The following CNTNAP2 variants were observed in gnomAD, a reference collection of about 807,000 sequenced individuals.
CNTNAP2 encodes contactin associated protein 2.
Under a neutral mutation model 155.2 loss-of-function variants are expected in CNTNAP2, and 98 were observed. The ratio of observed to expected loss-of-function variants is 0.63; its 90% CI spans 0.54 to 0.75. The LOEUF (loss-of-function observed/expected upper bound fraction) is 0.75. Among genes scored for constraint, CNTNAP2 ranks in the 30% least tolerant of loss-of-function variants. The probability of loss-of-function intolerance (pLI) is 0.00; values close to 1 mark genes in which losing one functional copy is unlikely to be tolerated. For synonymous variants in CNTNAP2, 651 were observed against 631.2 expected (o/e 1.03, Z -0.47); for missense variants, 1,727 against 1,688.1 (o/e 1.02, Z -0.40).
chr7:146,883,434 G>A (rs1003217407), intron 3 of CNTNAP2, among the ~76,000 whole-genome samples: 3 of 152,072 alleles, frequency 2.0e-5, no homozygotes, highest in Non-Finnish European at 4.4e-5. Flanking sequence ...AGTTATTGAG[G>A]TTTTAAAGGG....
intron 17 of CNTNAP2, among the ~76,000 whole-genome samples, chr7:148,153,912 T>C (rs986668620): frequency 6.6e-6 from 1 of 152,188 alleles, no homozygotes; most frequent in Non-Finnish European, 1.5e-5. Context: ...AGCCAGAGCA[T>C]GCAACTGCTC....
chr7:147,688,857 C>T (rs1263413783), intron 13 of CNTNAP2, among the ~76,000 whole-genome samples: 3 of 152,150 alleles, frequency 2.0e-5, no homozygotes, highest in South Asian at 2.1e-4. Context: ...GAAACTCACT[C>T]GTGAATTCCC....
At chr7:146,776,329 T>C (rs573291502) in intron 2 of CNTNAP2, among the ~76,000 whole-genome samples, 2 of 152,272 alleles carry the variant, frequency 1.3e-5, no homozygotes, top group East Asian at 1.9e-4. Context: ...AAAATACGAC[T>C]GAAGAAGATG....
At chr7:146,996,941 G>C (rs913669482) in intron 3 of CNTNAP2, among the ~76,000 whole-genome samples, 1 of 152,088 alleles carries the variant, frequency 6.6e-6, no homozygotes. Flanking sequence ...AGTTTTATAA[G>C]GGGAGGCTCC....
chr7:147,667,037 C>T (rs1795707388), intron 13 of CNTNAP2, among the ~76,000 whole-genome samples: 1 of 152,148 alleles, frequency 6.6e-6, no homozygotes, highest in South Asian at 2.1e-4. Context: ...ATGATGATCA[C>T]AGCCAAGCAA....
intron 3 of CNTNAP2, among the ~76,000 whole-genome samples, chr7:146,954,409 A>G (rs1253163845): frequency 1.3e-5 from 2 of 151,926 alleles, no homozygotes; most frequent in Non-Finnish European, 1.5e-5. Context: ...AAGTCTGTGC[A>G]TATGTTTCAG....
chr7:147,666,303 C>T (rs1490661042), intron 13 of CNTNAP2, among the ~76,000 whole-genome samples: 3 of 152,124 alleles, frequency 2.0e-5, no homozygotes, highest in Non-Finnish European at 2.9e-5. Context: ...ACACGTGTGA[C>T]GGTGGTCTCA....
chr7:146,677,271 G>A (rs899748979), intron 1 of CNTNAP2, among the ~76,000 whole-genome samples: 23 of 152,166 alleles, frequency 1.5e-4, no homozygotes, highest in African/African-American at 5.6e-4. Flanking sequence ...TTGGCAATTG[G>A]TTATTATCTA....
intron 8 of CNTNAP2, among the ~76,000 whole-genome samples, chr7:147,202,052 C>A (rs77986676): frequency 6.6e-6 from 1 of 150,876 alleles, no homozygotes; most frequent in African/African-American, 2.4e-5. Context: ...ATTTGCATTA[C>A]GAGAATAAAG....
At chr7:147,526,744 G>A (rs747599866) in intron 11 of CNTNAP2, among the ~76,000 whole-genome samples, 5 of 152,098 alleles carry the variant, frequency 3.3e-5, no homozygotes, top group Non-Finnish European at 5.9e-5. Flanking sequence ...TCAGTCCTAG[G>A]CTAGCTGGTA....
chr7:147,581,691 G>T lies in CNTNAP2; in HGVS notation c.1897+19434G>T, dbSNP rs113852991. Among the ~76,000 whole-genome samples the T allele has an allele frequency of 9.2e-5, 14 of 152,268 alleles. 1 individual carries two copies. The highest frequency in any genetic ancestry group is 3.4e-4 in the African/African-American group (14 of 41,572). ...TTCTCCCATCCAAATCTGGTGATTA[G>T]TCATTAACTCCAGCTTAACAGCAAC... On this transcript the variant is annotated intron_variant, in intron 12 of 23. Coordinates refer to ENST00000361727, the MANE Select transcript of CNTNAP2 (RefSeq NM_014141.6).
intron 15 of CNTNAP2, among the ~76,000 whole-genome samples, chr7:148,069,036 T>C (rs1047499299): frequency 1.3e-5 from 2 of 152,210 alleles, no homozygotes; most frequent in African/African-American, 4.8e-5. Context: ...ACCCAGAAAA[T>C]TTTATCAGGC....
At chr7:146,777,831 G>A (rs544688611) in intron 2 of CNTNAP2, among the ~76,000 whole-genome samples, 1 of 152,230 alleles carries the variant, frequency 6.6e-6, no homozygotes, top group South Asian at 2.1e-4. Flanking sequence ...AATGCCCTTG[G>A]GAGAAGAGCC....
At chr7:146,835,851 C>A (rs1324826587) in intron 2 of CNTNAP2, among the ~76,000 whole-genome samples, 1 of 152,114 alleles carries the variant, frequency 6.6e-6, no homozygotes, top group Admixed American at 6.6e-5. Context: ...TCAATGAAGT[C>A]TTTGACCAAT....
intron 14 of CNTNAP2, among the ~76,000 whole-genome samples, chr7:147,939,785 T>C (rs1029587042): frequency 6.7e-6 from 1 of 149,756 alleles, no homozygotes; most frequent in Non-Finnish European, 1.5e-5. Context: ...CAATCTCTCT[T>C]TCTCTCTCTC....
At chr7:146,340,491 G>A (rs911820215) in intron 1 of CNTNAP2, among the ~76,000 whole-genome samples, 7 of 151,724 alleles carry the variant, frequency 4.6e-5, no homozygotes, top group Middle Eastern at 3.2e-3. Flanking sequence ...TAGCTTAATT[G>A]AATTTTAGAT....
At chr7:147,790,075 C>T (rs1797796404) in intron 13 of CNTNAP2, among the ~76,000 whole-genome samples, 1 of 152,114 alleles carries the variant, frequency 6.6e-6, no homozygotes, top group South Asian at 2.1e-4. Flanking sequence ...CTCTAGAGAA[C>T]CCTGACCTAC....
intron 3 of CNTNAP2, among the ~76,000 whole-genome samples, chr7:147,020,385 C>T (rs981269890): frequency 1.3e-5 from 2 of 152,054 alleles, no homozygotes; most frequent in African/African-American, 4.8e-5. Flanking sequence ...GTTAAAGGGT[C>T]TAGTCTGGAA....
intron 20 of CNTNAP2, among the ~76,000 whole-genome samples, chr7:148,257,736 T>A (rs1182575680): frequency 6.6e-6 from 1 of 151,746 alleles, no homozygotes; most frequent in Non-Finnish European, 1.5e-5. Context: ...AAATTCGGAG[T>A]CCCAGATTCA....
Sources: gnomAD v4.1 joint callset for allele counts (sites outside exome capture counted in the v4.1 genomes callset) on GRCh38, gnomAD v4.1.1 for gene constraint, MANE v1.5 for transcripts, NCBI Gene and HGNC (gene_info 2026-07-23, HGNC 2026-07-21) for gene names.